Variants in AFAP1 observed in about 807,000 individuals in gnomAD.
The protein encoded by AFAP1 is actin filament-associated protein 1.
A neutral mutation model predicts 93.9 loss-of-function variants in AFAP1; 75 were observed. That is an observed-to-expected ratio of 0.80 (90% CI 0.66 to 0.97). The LOEUF (loss-of-function observed/expected upper bound fraction) is 0.97. AFAP1 is among the 50% of genes least tolerant of loss of function. AFAP1 has a pLI of 0.00. For missense variants in AFAP1, 1,201 were observed against 1,050.8 expected (o/e 1.14, Z -1.98); for synonymous variants, 517 against 430.7 (o/e 1.20, Z -2.48).
chr4:7,918,145 T>G (rs1391897382), intron 1 of AFAP1, among the ~76,000 whole-genome samples: 1 of 152,128 alleles, frequency 6.6e-6, no homozygotes, highest in East Asian at 1.9e-4. Flanking sequence ...ATGGAGCCAC[T>G]CGGCCCAGAT....
chr4:7,800,987 C>T (rs1187792158), intron 9 of AFAP1, among the ~76,000 whole-genome samples: 3 of 152,288 alleles, frequency 2.0e-5, no homozygotes, highest in East Asian at 3.9e-4. Context: ...CATCAGGTTT[C>T]GGATGGCCAG....
At chr4:7,797,655 T>C (rs1362486089) in intron 10 of AFAP1, among the ~76,000 whole-genome samples, 3 of 152,176 alleles carry the variant, frequency 2.0e-5, no homozygotes, top group African/African-American at 4.8e-5. Flanking sequence ...GGGGTTTCCT[T>C]GAGCTCCTGA....
intron 4 of AFAP1, chr4:7,843,631 A>G: frequency 2.9e-6 from 1 of 346,932 alleles, no homozygotes. Context: ...CGCTGACCCG[A>G]CACTGACTCC....
chr4:7,859,535 C>T (rs1474843137), intron 3 of AFAP1, among the ~76,000 whole-genome samples: 1 of 152,136 alleles, frequency 6.6e-6, no homozygotes, highest in Admixed American at 6.5e-5. Flanking sequence ...CCTGCTGTGA[C>T]CTAGAAATAA....
intron 1 of AFAP1, among the ~76,000 whole-genome samples, chr4:7,928,720 T>C (rs182846516): frequency 1.3e-5 from 2 of 152,362 alleles, no homozygotes; most frequent in African/African-American, 2.4e-5. Flanking sequence ...TTAAACCTGT[T>C]ATTACTATCA....
At chr4:7,818,031 T>G (rs970969542) in intron 7 of AFAP1, among the ~76,000 whole-genome samples, 2 of 152,178 alleles carry the variant, frequency 1.3e-5, no homozygotes, top group Non-Finnish European at 2.9e-5. Context: ...AGGACTGTGA[T>G]GTTTAATTTC....
chr4:7,813,055 G>C (rs983020156), intron 8 of AFAP1, among the ~76,000 whole-genome samples: 5 of 152,152 alleles, frequency 3.3e-5, no homozygotes, highest in African/African-American at 1.2e-4. Flanking sequence ...GAAGAAACAG[G>C]AGTTCCAGAG....
chr4:7,865,827 A>G (rs1471951906), intron 3 of AFAP1, among the ~76,000 whole-genome samples: 1 of 152,200 alleles, frequency 6.6e-6, no homozygotes, highest in African/African-American at 2.4e-5. Context: ...AGAGTCCATG[A>G]CAGTCACAGG....
intron 1 of AFAP1, among the ~76,000 whole-genome samples, chr4:7,928,029 G>T (rs2149242797): frequency 6.6e-6 from 1 of 152,254 alleles, no homozygotes; most frequent in African/African-American, 2.4e-5. Flanking sequence ...CCCCAATCAT[G>T]ATAAGAATTT....
At chr4:7,819,216 A>G in intron 6 of AFAP1, 45 bp from the exon 7 acceptor site, 2 of 1,538,160 alleles carry the variant, frequency 1.3e-6, no homozygotes, top group Non-Finnish European at 1.8e-6. Flanking sequence ...AAAGGCAGAG[A>G]TACTTAAAGG....
chr4:7,769,604 C>T (rs1192950623), intron 16 of AFAP1, among the ~76,000 whole-genome samples: 1 of 152,020 alleles, frequency 6.6e-6, no homozygotes, highest in Admixed American at 6.5e-5. Context: ...GCCGAGGCCC[C>T]CATTGCTGGC....
At chr4:7,871,825 T>C in intron 2 of AFAP1, 127 bp downstream of exon 2, 3 of 1,329,678 alleles carry the variant, frequency 2.3e-6, no homozygotes, top group Non-Finnish European at 3.1e-6. Flanking sequence ...CAATGAAAAC[T>C]TGATGAATAA....
chr4:7,836,370 C>A (rs749334190), intron 6 of AFAP1, among the ~76,000 whole-genome samples: 3 of 152,204 alleles, frequency 2.0e-5, no homozygotes, highest in Non-Finnish European at 4.4e-5. Context: ...GGCAGCTCTA[C>A]GGAGACAGAA....
At chr4:7,915,015 G>A (rs1419520651) in intron 1 of AFAP1, among the ~76,000 whole-genome samples, 3 of 152,080 alleles carry the variant, frequency 2.0e-5, no homozygotes, top group Non-Finnish European at 4.4e-5. Flanking sequence ...TCCCAAAAGT[G>A]CTGGGATTAC....
At chr4:7,883,801 A>C (rs915887686) in intron 1 of AFAP1, among the ~76,000 whole-genome samples, 1 of 152,274 alleles carries the variant, frequency 6.6e-6, no homozygotes, top group Non-Finnish European at 1.5e-5. Context: ...CTTGATTGAA[A>C]GATGAAGAAG....
In AFAP1 at chr4:7,939,790, C is replaced by G. The variant is rs1251170626; in HGVS notation, c.-137G>C. 2.8e-6 allele frequency: 1 copy of G among 353,182 alleles called. No individual in the cohort carries two copies. Among genetic ancestry groups the G allele is most frequent in the Admixed American group, 4.2e-5 (1 of 23,558 alleles). The allele number at this position is 353,182 out of a possible 1,614,324, so 21.9% of individuals were successfully genotyped here. A position where few individuals can be genotyped will look rare whatever the true frequency, so the allele number is the denominator to read the frequency against. Reference sequence around the variant, plus strand: ...GCGGGGCCGCCGCCGCCGCCTCAGCCCGTGTACCCCGCTCGAGATCCGGCT... The same window carrying G: ...GCGGGGCCGCCGCCGCCGCCTCAGCGCGTGTACCCCGCTCGAGATCCGGCT... On this transcript the variant is annotated 5_prime_UTR_variant, in exon 1 of 18. Transcript: ENST00000420658. This position sits in a 1 kb window ranked among gnomAD's most constrained non-coding sequence, Gnocchi z 5.6.
chr4:7,801,668 C>G (rs1247985599), intron 9 of AFAP1, among the ~76,000 whole-genome samples: 1 of 152,004 alleles, frequency 6.6e-6, no homozygotes, highest in African/African-American at 2.4e-5. Context: ...AGATTCCTAA[C>G]TCAAGTTCAG....
chr4:7,898,167 T>C (rs1487875002), intron 1 of AFAP1, among the ~76,000 whole-genome samples: 2 of 152,128 alleles, frequency 1.3e-5, no homozygotes, highest in Non-Finnish European at 2.9e-5. Context: ...CCCAGCACTT[T>C]GGTAGGCCAA....
chr4:7,898,416 G>A (rs547017705), intron 1 of AFAP1, among the ~76,000 whole-genome samples: 1 of 148,148 alleles, frequency 6.8e-6, no homozygotes, highest in African/African-American at 2.5e-5. Context: ...CTCAGAAGGG[G>A]AAAAAAAAAG....
Sources: gnomAD v4.1 joint callset for allele counts (sites outside exome capture counted in the v4.1 genomes callset) on GRCh38, gnomAD v4.1.1 for gene constraint, Gnocchi (gnomAD v3.1) non-coding constraint, MANE v1.5 for transcripts, NCBI Gene and HGNC (gene_info 2026-07-23, HGNC 2026-07-21) for gene names.